MAN2B2: variants seen among roughly 807,000 people sequenced by gnomAD.
The protein encoded by MAN2B2 is mannosidase alpha class 2B member 2.
MAN2B2 carries 106 observed loss-of-function variants against 117.1 expected under a neutral mutation model. That is an observed-to-expected ratio of 0.90 (90% CI 0.77 to 1.06). The LOEUF is 1.06. MAN2B2 is among the 50% of genes least tolerant of loss of function. The pLI is 0.00. For missense variants in MAN2B2, 1,326 were observed against 1,381.4 expected, an observed-to-expected ratio of 0.96 and a Z score of 0.64; for synonymous variants, 544 against 595.1, an observed-to-expected ratio of 0.91 and a Z score of 1.25.
At chr4:6,611,060 G>T (rs1034578537) in intron 14 of MAN2B2, 26 bp from the exon 15 acceptor site, 1 of 1,611,872 alleles carries the variant, frequency 6.2e-7, no homozygotes, top group Admixed American at 1.7e-5. Context: ...TGCAAGCCGG[G>T]CCTCTCGGAC....
At position 6,600,605 on chromosome 4, in the gene MAN2B2, C is replaced by A; in HGVS notation, c.1406-18C>A. 11 of 1,613,018 alleles carry A rather than the reference C, an allele frequency of 6.8e-6. No individual in the cohort carries two copies. The highest frequency in any genetic ancestry group is 1.3e-5 in the African/African-American group (1 of 75,048). On this transcript the variant is annotated intron_variant, in intron 9 of 18. Coordinates refer to ENST00000285599, the MANE Select transcript of MAN2B2 (RefSeq NM_015274.3). ...GGTGAGTCACATGGCACAAGCAAAG[C>A]CTCTTCTCTGTGTGCAGATGCAGGA...
intron 3 of MAN2B2, among the ~76,000 whole-genome samples, chr4:6,581,797 T>A (rs904249145): frequency 3.3e-5 from 5 of 151,762 alleles, no homozygotes; most frequent in Admixed American, 2.6e-4. Context: ...CCTGGGGCAC[T>A]GGGCCTGCCC....
At position 6,600,547 on chromosome 4, in the gene MAN2B2, T is replaced by G. The variant is rs1452141002; in HGVS notation, c.1406-76T>G. The stretch of plus-strand genomic sequence containing the variant: ...TCACCTACCTCAGTTTCCCTCATAC[T>G]GAGGTGCAGCCAGTGAGCACCCCAT... On this transcript the variant is annotated intron_variant, in intron 9 of 18. Coordinates refer to ENST00000285599, the MANE Select transcript of MAN2B2 (RefSeq NM_015274.3). 2.6e-6 allele frequency: 4 copies of G among 1,554,820 alleles called. No individual in the cohort carries two copies. The South Asian group carries it at 3.5e-5, about 14-fold the overall frequency.
At chr4:6,598,698 G>A (rs1294465016) in intron 9 of MAN2B2, among the ~76,000 whole-genome samples, 1 of 152,186 alleles carries the variant, frequency 6.6e-6, no homozygotes, top group Non-Finnish European at 1.5e-5. Context: ...TTTTACAGCC[G>A]AGGAAACGGA....
chr4:6,577,233 C>T (rs1726099514), intron 2 of MAN2B2, among the ~76,000 whole-genome samples: 1 of 152,164 alleles, frequency 6.6e-6, no homozygotes, highest in African/African-American at 2.4e-5. Flanking sequence ...TGCTCCCGCA[C>T]CAGGGGACAC....
At position 6,609,694 on chromosome 4, in the gene MAN2B2, G is replaced by C. The variant is rs975296190; in HGVS notation, c.2007-104G>C. On this transcript the variant is annotated intron_variant, in intron 12 of 18. Coordinates refer to ENST00000285599, the MANE Select transcript of MAN2B2 (RefSeq NM_015274.3). Reference sequence around the variant, plus strand: ...CCAAGAAGGCTCCCTGCCTTTCGGCGTACCCTGCCCTGCCCACCCTGCCCA... The same window carrying C: ...CCAAGAAGGCTCCCTGCCTTTCGGCCTACCCTGCCCTGCCCACCCTGCCCA... 3.0e-6 allele frequency: 4 copies of C among 1,329,308 alleles called. No homozygotes were observed. The African/African-American group carries it at 5.8e-5, about 19-fold the overall frequency. 82.3% of individuals were successfully genotyped at this position (1,329,308 alleles called of 1,614,324 possible). A position where few individuals can be genotyped will look rare whatever the true frequency, so the allele number is the denominator to read the frequency against.
intron 3 of MAN2B2, among the ~76,000 whole-genome samples, chr4:6,579,301 TCACCACCACCAC>T (rs1726299584): frequency 7.6e-4 from 12 of 15,804 alleles, no homozygotes; most frequent in South Asian, 2.7e-3. Context: ...ACCACCACCA[TCACCACCACCAC>T]CACCATCACC....
Position 6,575,190 on chromosome 4 carries a change from C to G in MAN2B2, c.-21C>G. 1 of 1,356,928 alleles carries G rather than the reference C, an allele frequency of 7.4e-7. No individual in the cohort carries two copies. The highest frequency in any genetic ancestry group is 1.0e-6 in the Non-Finnish European group (1 of 998,200). 84.1% of individuals were successfully genotyped at this position (1,356,928 alleles called of 1,614,324 possible). ...CGCGGACCCGGAAGTGGGCCTGGCA[C>G]CTTCCCGGCCTGCCGCAGGGATGGG... On this transcript the variant is annotated 5_prime_UTR_variant, in exon 1 of 19. Coordinates refer to ENST00000285599, the MANE Select transcript of MAN2B2 (RefSeq NM_015274.3).
chr4:6,579,567 T>C (rs1338520844), intron 3 of MAN2B2, among the ~76,000 whole-genome samples: 1 of 138,456 alleles, frequency 7.2e-6, no homozygotes, highest in Non-Finnish European at 1.6e-5. Flanking sequence ...CTACCATTAC[T>C]ACCACTACCA....
chr4:6,587,046 T>A lies in MAN2B2; in HGVS notation c.442T>A (p.Trp148Arg). The A allele has an allele frequency of 1.2e-6, 2 of 1,614,126 alleles. No individual in the cohort carries two copies. The highest frequency in any genetic ancestry group is 1.7e-6 in the Non-Finnish European group (2 of 1,180,026). The part of the protein sequence containing the change: ...ETFGIRPQFS[W>R]HVDPFGASAT... The stretch of plus-strand genomic sequence containing the variant: ...ATTTGGGATCCGGCCACAGTTCTCC[T>A]GGCACGTTGACCCGTTTGGCGCCTC... Residue 148 changes from tryptophan (W) to arginine (R), a missense_variant, in exon 4 of 19, where the codon TGG becomes AGG. Coordinates refer to ENST00000285599, the MANE Select transcript of MAN2B2 (RefSeq NM_015274.3).
Position 6,594,559 on chromosome 4 carries a change from C to T in MAN2B2, c.884C>T (p.Ala295Val). Residue 295 changes from alanine (A) to valine (V), a missense_variant, in exon 7 of 19, where the codon GCC (alanine) becomes GTC (valine). Transcript: ENST00000285599. ...GGATGTGACAAGCAGTTCTTCAATGCCTCGGTGCAGTTTGCCAACATGGAC... is the reference window on the plus strand; with the variant it reads ...GGATGTGACAAGCAGTTCTTCAATGTCTCGGTGCAGTTTGCCAACATGGAC... ...PWGCDKQFFN[A>V]SVQFANMDPL... The T allele has an allele frequency of 1.2e-6, 2 of 1,613,544 alleles. No homozygotes were observed. Among genetic ancestry groups the T allele is most frequent in the Non-Finnish European group, 1.7e-6 (2 of 1,180,036 alleles).
Position 6,620,019 on chromosome 4 carries a change from G to A in MAN2B2, c.2907G>A (p.Trp969Ter), listed in dbSNP as rs758799872. The A allele has an allele frequency of 9.9e-6, 16 of 1,613,126 alleles. No homozygotes were observed. The African/African-American group carries it at 1.7e-4, about 17-fold the overall frequency. ...TGAGCATGCTGCACCGCTGGAGCTG[G>A]AGGACGGGGCCTGGCCGCCACAGAG... ...WDLSMLHRWSWRTGPGRHRGD... is the reference protein window; with the variant it reads ...WDLSMLHRWS The change falls in exon 18 of 19, where the codon TGG becomes TGA. Residue 969 changes from tryptophan to a stop codon, truncating the protein, a stop_gained. Transcript: ENST00000285599. LOFTEE classifies it low-confidence loss of function (END_TRUNC).
intron 5 of MAN2B2, among the ~76,000 whole-genome samples, chr4:6,590,555 G>A (rs539782877): frequency 1.4e-4 from 22 of 152,224 alleles, no homozygotes; most frequent in South Asian, 1.2e-3. Flanking sequence ...ACCCCATCCC[G>A]TCCACGGTCC....
intron 1 of MAN2B2, among the ~76,000 whole-genome samples, chr4:6,575,910 A>G (rs1343810363): frequency 6.6e-6 from 1 of 152,122 alleles, no homozygotes; most frequent in African/African-American, 2.4e-5. Context: ...AGAGGAGAAA[A>G]CCGAGGCCCA....
rs112569331 is a variant in MAN2B2 at position 6,578,108 on chromosome 4, C to T, written c.286-285C>T. On this transcript the variant is annotated intron_variant, in intron 2 of 18. Coordinates refer to ENST00000285599, the MANE Select transcript of MAN2B2 (RefSeq NM_015274.3). ...GGAAAGGATATGGGAGCTCTTTGTTCTATTCCTGAAACTTTTCTAAAGTTT... is the reference window on the plus strand; with the variant it reads ...GGAAAGGATATGGGAGCTCTTTGTTTTATTCCTGAAACTTTTCTAAAGTTT... Among the ~76,000 whole-genome samples, 1,159 of 152,232 alleles carry T rather than the reference C, an allele frequency of 7.6e-3. 23 individuals carry two copies. Among genetic ancestry groups the T allele is most frequent in the African/African-American group, 0.025 (1,045 of 41,538 alleles).
At chr4:6,589,275 C>A in intron 5 of MAN2B2, 115 bp downstream of exon 5, 1 of 795,690 alleles carries the variant, frequency 1.3e-6, no homozygotes. Context: ...AGCTTCTGCT[C>A]TGTTGCCCAG....
In MAN2B2 at chr4:6,589,152, C is replaced by G; in HGVS notation, c.672C>G (p.Phe224Leu). The change falls in exon 5 of 19, where the codon TTC becomes TTG. Residue 224 changes from phenylalanine (F) to leucine (L), a missense_variant. Coordinates refer to ENST00000285599, the MANE Select transcript of MAN2B2 (RefSeq NM_015274.3). ...ACTGCACCCCGTCCCACATCCCTTT[C>G]TCCAACAGGTACGTGCCCTTCCGCA... The part of the protein sequence containing the change: ...YSYCTPSHIP[F>L]SNRSGFYWNG... The G allele has an allele frequency of 6.2e-7, 1 of 1,613,400 alleles. No homozygotes were observed. The highest frequency in any genetic ancestry group is 8.5e-7 in the Non-Finnish European group (1 of 1,179,258).
At chr4:6,617,310 G>T (rs920576106) in intron 16 of MAN2B2, 70 bp from the exon 17 acceptor site, 2 of 1,161,242 alleles carry the variant, frequency 1.7e-6, no homozygotes, top group Admixed American at 1.9e-5. Flanking sequence ...GTAAAGCAGC[G>T]GGTATAGACC....
chr4:6,581,863 C>T (rs1726441610), intron 3 of MAN2B2, among the ~76,000 whole-genome samples: 1 of 152,020 alleles, frequency 6.6e-6, no homozygotes, highest in Admixed American at 6.6e-5. Context: ...GCAGTCACGC[C>T]AACACCACCT....
Sources: gnomAD v4.1 joint callset for allele counts (sites outside exome capture counted in the v4.1 genomes callset) on GRCh38, gnomAD v4.1.1 for gene constraint, MANE v1.5 for transcripts, NCBI Gene and HGNC (gene_info 2026-07-23, HGNC 2026-07-21) for gene names.